Variants in ZPLD1 observed in about 807,000 individuals in gnomAD.
ZPLD1 encodes zona pellucida-like domain-containing protein 1.
A neutral mutation model predicts 47.2 loss-of-function variants in ZPLD1; 34 were observed. The ratio of observed to expected loss-of-function variants is 0.72; its 90% CI spans 0.55 to 0.96. The LOEUF is 0.96. Among genes scored for constraint, ZPLD1 ranks in the 40% least tolerant of loss-of-function variants. The pLI is 0.00. For missense variants in ZPLD1, 512 were observed against 505.8 expected, an observed-to-expected ratio of 1.01 and a Z score of -0.12; for synonymous variants, 176 against 186.2, an observed-to-expected ratio of 0.95 and a Z score of 0.45.
chr3:102,434,945 A>T (rs943492185), upstream of ZPLD1: 1 of 637,440 alleles, frequency 1.6e-6, no homozygotes, highest in African/African-American at 1.8e-5. Flanking sequence ...TAAAATACAC[A>T]TGTCTGGAAT....
At chr3:102,397,371 A>G (rs759778603) in intron 7 of ZPLD1, among the ~76,000 whole-genome samples, 6 of 141,080 alleles carry the variant, frequency 4.3e-5, no homozygotes, top group Non-Finnish European at 9.3e-5. Flanking sequence ...ATATTTTTGG[A>G]ATATCTTAAT....
intron 8 of ZPLD1, among the ~76,000 whole-genome samples, chr3:102,419,616 C>A (rs1289889405): frequency 1.3e-5 from 2 of 151,048 alleles, no homozygotes. Flanking sequence ...TATAATAATG[C>A]AGAGGTAATA....
chr3:102,451,390 C>A (rs2107334044), intron 3 of ZPLD1, among the ~76,000 whole-genome samples: 1 of 152,274 alleles, frequency 6.6e-6, no homozygotes, highest in African/African-American at 2.4e-5. Flanking sequence ...CAATCAAGGT[C>A]ATTTCCCCAT....
chr3:102,398,722 G>A (rs1040806105), intron 7 of ZPLD1, among the ~76,000 whole-genome samples: 4 of 152,076 alleles, frequency 2.6e-5, no homozygotes, highest in Admixed American at 1.3e-4. Flanking sequence ...ACCACCATGA[G>A]CATATTTAGT....
intron 7 of ZPLD1, among the ~76,000 whole-genome samples, chr3:102,415,904 G>A (rs1016966532): frequency 4.0e-5 from 6 of 151,808 alleles, no homozygotes; most frequent in Non-Finnish European, 7.4e-5. Flanking sequence ...GAACTAAAGG[G>A]CACTGGTCAC....
intron 3 of ZPLD1, among the ~76,000 whole-genome samples, chr3:102,439,354 A>G (rs1246883982): frequency 6.6e-6 from 1 of 152,238 alleles, no homozygotes; most frequent in Non-Finnish European, 1.5e-5. Context: ...GCAAACCTGC[A>G]TAGAGCAATC....
chr3:102,470,568 T>C (rs1267768500), intron 10 of ZPLD1, 66 bp downstream of exon 10: 3 of 1,301,258 alleles, frequency 2.3e-6, no homozygotes, highest in Non-Finnish European at 3.3e-6. Context: ...ACTTGGCTTC[T>C]AACGAGAACT....
Position 102,453,093 on chromosome 3 carries a change from T to C in ZPLD1, c.281T>C (p.Phe94Ser). The C allele has an allele frequency of 6.2e-7, 1 of 1,614,098 alleles. No homozygotes were observed. The highest frequency in any genetic ancestry group is 8.5e-7 in the Non-Finnish European group (1 of 1,179,988). Residue 94 changes from phenylalanine (F) to serine (S), a missense_variant, in exon 4 of 12, where the codon TTT (phenylalanine) becomes TCT (serine). Transcript: ENST00000466937. ...AACACCTTTCCAGCAGTGGTCATTTTTATCATCAATCTCAGCACCTTGGAG... is the reference window on the plus strand; with the variant it reads ...AACACCTTTCCAGCAGTGGTCATTTCTATCATCAATCTCAGCACCTTGGAG... ...NNNTFPAVVI[F>S]IINLSTLEGC...
At chr3:102,411,374 T>G (rs1169987736) in intron 7 of ZPLD1, among the ~76,000 whole-genome samples, 2 of 151,838 alleles carry the variant, frequency 1.3e-5, no homozygotes, top group Non-Finnish European at 2.9e-5. Context: ...GAAAATTTAG[T>G]AAGCTGGGTA....
intron 3 of ZPLD1, among the ~76,000 whole-genome samples, chr3:102,452,114 C>CGT (rs56086826): frequency 0.024 from 3,333 of 141,744 alleles, 49 homozygotes; most frequent in South Asian, 0.036. Flanking sequence ...ATATGAAGAC[C>CGT]GTGTGTGTGT....
intron 7 of ZPLD1, among the ~76,000 whole-genome samples, chr3:102,402,641 G>T (rs1706635003): frequency 6.6e-6 from 1 of 151,914 alleles, no homozygotes; most frequent in African/African-American, 2.4e-5. Flanking sequence ...GTGTAGAGTT[G>T]CTTGGGTATC....
chr3:102,477,310 T>C, intron 11 of ZPLD1, 133 bp from the exon 12 acceptor site: 1 of 1,057,526 alleles, frequency 9.5e-7, no homozygotes, highest in South Asian at 1.5e-5. Flanking sequence ...GTCAAATAGA[T>C]TGTAACACAA....
At chr3:102,473,462 A>G (rs1707714051) in intron 10 of ZPLD1, among the ~76,000 whole-genome samples, 1 of 152,074 alleles carries the variant, frequency 6.6e-6, no homozygotes, top group Non-Finnish European at 1.5e-5. Flanking sequence ...AATGTCACTT[A>G]TTGCCCAACA....
upstream of ZPLD1, among the ~76,000 whole-genome samples, chr3:102,433,614 G>A (rs1023924317): frequency 2.0e-5 from 3 of 152,110 alleles, no homozygotes; most frequent in African/African-American, 4.8e-5. Context: ...TGCAAGCTCC[G>A]CCTCCCGGGT....
chr3:102,460,966 C>G (rs1342849026), intron 6 of ZPLD1, among the ~76,000 whole-genome samples: 1 of 151,896 alleles, frequency 6.6e-6, no homozygotes, highest in African/African-American at 2.4e-5. Flanking sequence ...GTTAGAGGAG[C>G]TAATCATTTA....
chr3:102,469,177 C>T (rs1707645168), intron 9 of ZPLD1, 42 bp downstream of exon 9: 13 of 1,579,434 alleles, frequency 8.2e-6, no homozygotes, highest in Middle Eastern at 3.4e-4. Flanking sequence ...TTGAATTGAT[C>T]TAAGCTGAAA....
At chr3:102,420,670 T>C (rs1706866268) in intron 8 of ZPLD1, among the ~76,000 whole-genome samples, 1 of 151,770 alleles carries the variant, frequency 6.6e-6, no homozygotes, top group East Asian at 1.9e-4. Flanking sequence ...CAAAAATAGG[T>C]GATTGGCAGA....
chr3:102,427,371 T>A (rs1706961297), intron 8 of ZPLD1, among the ~76,000 whole-genome samples: 1 of 152,176 alleles, frequency 6.6e-6, no homozygotes, highest in South Asian at 2.1e-4. Context: ...GTAAGATCTC[T>A]TGCTGATTTT....
chr3:102,458,569 C>A (rs1707455593), intron 6 of ZPLD1, among the ~76,000 whole-genome samples: 1 of 152,048 alleles, frequency 6.6e-6, no homozygotes, highest in South Asian at 2.1e-4. Flanking sequence ...CATTATTATT[C>A]ATGTCATCAT....
Sources: gnomAD v4.1 joint callset for allele counts (sites outside exome capture counted in the v4.1 genomes callset) on GRCh38, gnomAD v4.1.1 for gene constraint, MANE v1.5 for transcripts, NCBI Gene and HGNC (gene_info 2026-07-23, HGNC 2026-07-21) for gene names.